The following LIMCH1 variants were observed in gnomAD, a reference collection of about 807,000 sequenced individuals.
The protein encoded by LIMCH1 is LIM and calponin homology domains-containing protein 1.
In LIMCH1, 113 loss-of-function variants were observed where a neutral mutation model predicts 176.5. The observed-to-expected ratio is 0.64, with a 90% confidence interval of 0.55 to 0.75. LIMCH1 has a LOEUF of 0.75. LIMCH1 is among the 30% of genes least tolerant of loss of function. The pLI is 0.00. For missense variants in LIMCH1, 1,674 were observed against 1,814.9 expected (o/e 0.92, Z 1.41); for synonymous variants, 619 against 645.9 (o/e 0.96, Z 0.63).
At chr4:41,693,431 C>G (rs1727897489) in intron 31 of LIMCH1, 1 of 151,678 alleles carries the variant, frequency 6.6e-6, no homozygotes, top group African/African-American at 2.4e-5. Flanking sequence ...TTAATCAAAC[C>G]CAGGTAGTTT....
At chr4:41,437,383 T>G (rs1421212271) in intron 1 of LIMCH1, among the ~76,000 whole-genome samples, 1 of 152,190 alleles carries the variant, frequency 6.6e-6, no homozygotes, top group Non-Finnish European at 1.5e-5. Flanking sequence ...CCAGCAGTCC[T>G]TGGGGACTGT....
intron 3 of LIMCH1, among the ~76,000 whole-genome samples, chr4:41,529,986 T>G (rs918315019): frequency 1.3e-5 from 2 of 152,196 alleles, no homozygotes; most frequent in Non-Finnish European, 2.9e-5. Context: ...TAATCAAAGA[T>G]AAGATTTCAA....
At chr4:41,449,669 A>G (rs1005208898) in intron 1 of LIMCH1, among the ~76,000 whole-genome samples, 3 of 152,200 alleles carry the variant, frequency 2.0e-5, no homozygotes, top group South Asian at 2.1e-4. Flanking sequence ...ATCCAGAAAA[A>G]TGGATTGAGA....
chr4:41,539,230 T>G (rs1038997381), intron 1 of LIMCH1, among the ~76,000 whole-genome samples: 13 of 152,134 alleles, frequency 8.5e-5, no homozygotes, highest in Admixed American at 8.5e-4. Context: ...GCTACAGCCG[T>G]TTTCTTCATG....
chr4:41,513,180 G>A (rs2075140602), intron 2 of LIMCH1, among the ~76,000 whole-genome samples: 1 of 152,132 alleles, frequency 6.6e-6, no homozygotes, highest in Non-Finnish European at 1.5e-5. Context: ...ATCAGAAATA[G>A]TAACATCAGA....
chr4:41,682,671 TC>T (rs1716996307), intron 26 of LIMCH1, among the ~76,000 whole-genome samples: 1 of 143,754 alleles, frequency 7.0e-6, no homozygotes, highest in South Asian at 2.2e-4. Context: ...TTTTTTTTCT[TC>T]TTCTTCTTTT....
intron 1 of LIMCH1, among the ~76,000 whole-genome samples, chr4:41,544,433 G>A (rs545690967): frequency 4.6e-5 from 7 of 152,272 alleles, no homozygotes; most frequent in South Asian, 2.1e-4. Flanking sequence ...TGTAGCTGTC[G>A]TCTATTTTCT....
intron 1 of LIMCH1, among the ~76,000 whole-genome samples, chr4:41,412,595 C>T (rs552332281): frequency 1.3e-5 from 2 of 152,200 alleles, no homozygotes; most frequent in African/African-American, 4.8e-5. Flanking sequence ...ATGGGAAAGT[C>T]AGTGCATTGG....
chr4:41,375,432 CA>C lies in LIMCH1; in HGVS notation c.96+14497del, dbSNP rs533405488. Among the ~76,000 whole-genome samples the C allele has an allele frequency of 4.6e-3, 693 of 152,254 alleles. 13 individuals carry two copies. The highest frequency in any genetic ancestry group is 0.016 in the African/African-American group (671 of 41,548). On this transcript the variant is annotated intron_variant, in intron 1 of 26. Transcript: ENST00000313860. ...TGTTGATTAAAAAAATAAAGATGTT[CA>C]TCCTGGGTACTTCAACTCTCCTTTC...
chr4:41,603,139 C>G (rs1269341973), intron 2 of LIMCH1, among the ~76,000 whole-genome samples: 2 of 152,192 alleles, frequency 1.3e-5, no homozygotes, highest in Non-Finnish European at 2.9e-5. Context: ...TCCCTTCCCC[C>G]TCACCGAAGT....
At chr4:41,427,975 G>T (rs1258280375) in intron 1 of LIMCH1, among the ~76,000 whole-genome samples, 6 of 151,660 alleles carry the variant, frequency 4.0e-5, no homozygotes, top group African/African-American at 1.5e-4. Flanking sequence ...GAATTTACTG[G>T]TTCCTTTTTA....
At chr4:41,613,027 A>G (rs1015245571) in intron 4 of LIMCH1, 12 of 1,551,996 alleles carry the variant, frequency 7.7e-6, no homozygotes, top group Admixed American at 2.0e-5. Flanking sequence ...CAGGAGCAAA[A>G]GTTGCACAGC....
intron 1 of LIMCH1, among the ~76,000 whole-genome samples, chr4:41,435,807 T>C (rs1561364007): frequency 6.6e-6 from 1 of 152,186 alleles, no homozygotes; most frequent in Non-Finnish European, 1.5e-5. Flanking sequence ...CATATAAAAA[T>C]GTATTAAGTA....
At chr4:41,696,717 A>C (rs1044482275) in intron 31 of LIMCH1, among the ~76,000 whole-genome samples, 4 of 152,186 alleles carry the variant, frequency 2.6e-5, no homozygotes, top group African/African-American at 9.7e-5. Context: ...CTAGCAATCT[A>C]ATTTCTAGAT....
chr4:41,613,473 A>G lies in LIMCH1; in HGVS notation c.17A>G (p.Asp6Gly). Residue 6 changes from aspartate to glycine, a missense_variant, in exon 5 of 32, where the codon GAT becomes GGT. Coordinates refer to ENST00000503057, the MANE Select transcript of LIMCH1 (RefSeq NM_001330672.2). MRKDT[D>G]DIESPKRSIR... The stretch of plus-strand genomic sequence containing the variant: ...CATTTTCTTTTTTGACAGGACACTG[A>G]TGACATTGAAAGTCCTAAACGCAGT... 1.2e-6 allele frequency: 2 copies of G among 1,613,708 alleles called. No homozygotes were observed. Among genetic ancestry groups the G allele is most frequent in the Non-Finnish European group, 1.7e-6 (2 of 1,179,684 alleles).
chr4:41,399,142 G>A (rs992194861), intron 1 of LIMCH1, among the ~76,000 whole-genome samples: 2 of 152,194 alleles, frequency 1.3e-5, no homozygotes, highest in Non-Finnish European at 2.9e-5. Context: ...GGCATGGGAT[G>A]TTATTATAAA....
intron 19 of LIMCH1, chr4:41,661,964 C>T: frequency 2.7e-6 from 1 of 363,870 alleles, no homozygotes; most frequent in Non-Finnish European, 5.3e-6. Flanking sequence ...ATACTGTATT[C>T]GTTGTTTTAG....
rs112600019 is a variant in LIMCH1, at chr4:41,476,006, C to T, written c.97-18530C>T. Among the ~76,000 whole-genome samples the T allele has an allele frequency of 5.4e-3, 818 of 152,092 alleles. 8 individuals carry two copies. The highest frequency in any genetic ancestry group is 0.018 in the African/African-American group (728 of 41,380). On this transcript the variant is annotated intron_variant, in intron 1 of 26. Coordinates refer to the LIMCH1 transcript ENST00000313860. Reference sequence around the variant, plus strand: ...TTATTTTTAGAGACAAGGTCTTGCTCTGTCGCCCAGGCTGGAGGGCAGTGG... The same window carrying T: ...TTATTTTTAGAGACAAGGTCTTGCTTTGTCGCCCAGGCTGGAGGGCAGTGG...
chr4:41,425,308 C>T (rs879369866), intron 1 of LIMCH1, among the ~76,000 whole-genome samples: 3 of 152,170 alleles, frequency 2.0e-5, no homozygotes, highest in Non-Finnish European at 4.4e-5. Flanking sequence ...ATCCTCTTCT[C>T]TTGGTCTTGG....
Sources: allele counts gnomAD v4.1 joint callset (sites outside exome capture counted in the v4.1 genomes callset), GRCh38; gene constraint gnomAD v4.1.1; transcripts MANE v1.5; gene names NCBI Gene and HGNC (gene_info 2026-07-23, HGNC 2026-07-21).